The following LETM2 variants were observed in gnomAD, a reference collection of about 807,000 sequenced individuals.
LETM2 encodes the protein LETM1 domain-containing protein LETM2, mitochondrial.
LETM2 carries 58 observed loss-of-function variants against 59.6 expected under a neutral mutation model. That is an observed-to-expected ratio of 0.97 (90% CI 0.79 to 1.21). The LOEUF (loss-of-function observed/expected upper bound fraction) is 1.21, where lower values mean the gene tolerates loss of function less well. Ranked by LOEUF, LETM2 falls within the 50% of genes most tolerant of loss-of-function variation. The pLI, the probability that LETM2 is intolerant of heterozygous loss-of-function variation, is 0.00. For synonymous variants in LETM2, 199 were observed against 214.1 expected (o/e 0.93, Z 0.62); for missense variants, 572 against 575.7 (o/e 0.99, Z 0.07).
intron 8 of LETM2, 131 bp downstream of exon 8, chr8:38,404,637 T>C (rs961322893): frequency 1.9e-5 from 12 of 638,468 alleles, no homozygotes; most frequent in Middle Eastern, 2.6e-4. Flanking sequence ...ACTGGCTTTA[T>C]GTGTTTTAAA....
At position 38,387,955 on chromosome 8, in the gene LETM2, T is replaced by TA; in HGVS notation, c.-28dup. On this transcript the variant is annotated 5_prime_UTR_variant, in exon 2 of 11. In the 5' UTR this introduces an upstream ATG that the reference lacks. Transcript: ENST00000379957. ...TACTTACTCCTTTTGCCTAGGTCCC[T>TA]ATGTTAACTACTTGAGACAAAAATA... 1 of 1,387,034 alleles carries TA rather than the reference T, an allele frequency of 7.2e-7. No individual in the cohort carries two copies. The allele number at this position is 1,387,034 out of a possible 1,614,324, so 85.9% of individuals were successfully genotyped here.
intron 2 of LETM2, among the ~76,000 whole-genome samples, chr8:38,391,523 G>C (rs1457318693): frequency 1.3e-5 from 2 of 151,714 alleles, no homozygotes; most frequent in East Asian, 3.9e-4. Context: ...GGATGGTCTC[G>C]ATCTCTTGAT....
chr8:38,404,419 C>CG lies in LETM2; in HGVS notation c.1132dup (p.Val378GlyfsTer23), dbSNP rs1403281328. ...GGCAGGACCTCCACCTGAAGGAGAA[C>CG]GTCCCTCCTTCCCTTTTGCTCCTGT... On this transcript the variant is annotated frameshift_variant, in exon 8 of 11. Transcript: ENST00000379957. LOFTEE classifies it high-confidence loss of function. The CG allele has an allele frequency of 1.2e-6, 2 of 1,613,136 alleles. No individual in the cohort carries two copies. The highest frequency in any genetic ancestry group is 1.6e-4 in the Middle Eastern group (1 of 6,062).
intron 2 of LETM2, among the ~76,000 whole-genome samples, chr8:38,390,815 T>A (rs1812182581): frequency 6.6e-6 from 1 of 150,560 alleles, no homozygotes; most frequent in African/African-American, 2.4e-5. Context: ...CCCGAGTAGC[T>A]GGGACTACAG....
At chr8:38,393,211 T>A (rs1812438534) in intron 3 of LETM2, 5 of 498,322 alleles carry the variant, frequency 1.0e-5, no homozygotes, top group Non-Finnish European at 1.8e-5. Flanking sequence ...TAACGGTTTT[T>A]AAAAAAAACT....
In LETM2 at chr8:38,406,948, T is replaced by G. The variant is rs1183845107; in HGVS notation, c.1221T>G (p.Ala407=). 5 of 1,602,186 alleles carry G rather than the reference T, an allele frequency of 3.1e-6. No individual in the cohort carries two copies. The highest frequency in any genetic ancestry group is 1.7e-5 in the Admixed American group (1 of 59,842). ...KPIEIPLSGE[A]PKTDILVELP... is the part of the protein sequence containing the mutation. ...ACATAAAATGTTTATCTCCCCAGGC[T>G]CCAAAGACTGATATTCTTGTGGAAT... Residue 407 remains alanine (A), a splice_region_variant and synonymous_variant, in exon 9 of 11, where the codon GCT becomes GCG. Transcript: ENST00000379957.
Position 38,406,930 on chromosome 8 carries a change from A to G in LETM2, c.1219-16A>G, listed in dbSNP as rs1466504165. On this transcript the variant is annotated splice_polypyrimidine_tract_variant and intron_variant, in intron 8 of 10. Transcript: ENST00000379957. ...GAGCAGAAAGCTTATGATACATAAAATGTTTATCTCCCCAGGCTCCAAAGA... is the reference window on the plus strand; with the variant it reads ...GAGCAGAAAGCTTATGATACATAAAGTGTTTATCTCCCCAGGCTCCAAAGA... 2 of 1,546,916 alleles carry G rather than the reference A, an allele frequency of 1.3e-6. No homozygotes were observed. The highest frequency in any genetic ancestry group is 1.1e-5 in the South Asian group (1 of 89,418).
At chr8:38,397,912 G>T (rs1185596237) in intron 4 of LETM2, among the ~76,000 whole-genome samples, 1 of 152,114 alleles carries the variant, frequency 6.6e-6, no homozygotes, top group Non-Finnish European at 1.5e-5. Flanking sequence ...GGCCGAGGTG[G>T]GTGGGTCACT....
intron 3 of LETM2, chr8:38,393,289 C>G (rs1409186150): frequency 1.1e-5 from 3 of 275,072 alleles, no homozygotes; most frequent in Non-Finnish European, 2.1e-5. Flanking sequence ...TTTAATCTTT[C>G]CAAGAAGTTG....
upstream of LETM2, among the ~76,000 whole-genome samples, chr8:38,384,324 A>T (rs1811688947): frequency 6.6e-6 from 1 of 152,172 alleles, no homozygotes. Context: ...TTAAAATTGG[A>T]GTTATGTGAA....
At chr8:38,382,450 G>A (rs1253481241), upstream of LETM2, 1 of 152,466 alleles carries the variant, frequency 6.6e-6, no homozygotes, top group African/African-American at 2.4e-5. This position sits in a 1 kb window ranked among gnomAD's most constrained non-coding sequence, Gnocchi z 4.2. Context: ...GCGGCAGCTA[G>A]CGTCTGGACG....
intron 6 of LETM2, 61 bp from the exon 7 acceptor site, chr8:38,402,464 T>C (rs1359654845): frequency 3.8e-6 from 6 of 1,585,678 alleles, no homozygotes; most frequent in Non-Finnish European, 4.3e-6. Context: ...TTTGCTGGAA[T>C]TTAGGGTTTA....
chr8:38,407,936 G>A, intron 10 of LETM2: 1 of 429,336 alleles, frequency 2.3e-6, no homozygotes, highest in South Asian at 2.3e-5. Context: ...TTGTGGGAGA[G>A]TTGAAGTGGG....
intron 2 of LETM2, among the ~76,000 whole-genome samples, chr8:38,391,983 C>T (rs1812321103): frequency 6.6e-6 from 1 of 152,132 alleles, no homozygotes; most frequent in African/African-American, 2.4e-5. Flanking sequence ...TGAGCCATCG[C>T]GGCCAGCCCA....
rs539959623 is a variant in LETM2 at position 38,397,902 on chromosome 8, G to T, written c.646-2370G>T. Among the ~76,000 whole-genome samples the T allele has an allele frequency of 3.9e-5, 6 of 152,280 alleles. No individual in the cohort carries two copies. In the East Asian group the frequency reaches 1.2e-3, roughly 29 times the overall value. ...TGCCTGTAATCCCAGCACTTTGGGAGGCCGAGGTGGGTGGGTCACTTGAGG... is the reference window on the plus strand; with the variant it reads ...TGCCTGTAATCCCAGCACTTTGGGATGCCGAGGTGGGTGGGTCACTTGAGG... On this transcript the variant is annotated intron_variant, in intron 4 of 10. Transcript: ENST00000379957.
intron 2 of LETM2, among the ~76,000 whole-genome samples, chr8:38,390,200 C>T (rs1812112685): frequency 6.6e-6 from 1 of 151,668 alleles, no homozygotes; most frequent in African/African-American, 2.4e-5. Context: ...CCTTAAGAAC[C>T]AAGCCAGGCA....
chr8:38,403,379 T>C lies in LETM2; in HGVS notation c.1104+735T>C, dbSNP rs577823874. Among the ~76,000 whole-genome samples the C allele has an allele frequency of 3.3e-5, 5 of 152,362 alleles. No individual in the cohort carries two copies. The South Asian group carries it at 8.3e-4, about 25-fold the overall frequency. ...TAGAATTTTGACCTACTTCACGTAG[T>C]GTAACGGGTCCTGGCAAAAATTTCA... On this transcript the variant is annotated intron_variant, in intron 7 of 10. Coordinates refer to ENST00000379957, the MANE Select transcript of LETM2 (RefSeq NM_001286819.2).
chr8:38,401,712 A>G (rs1813243932), intron 6 of LETM2: 1 of 153,542 alleles, frequency 6.5e-6, no homozygotes, highest in Non-Finnish European at 1.5e-5. Context: ...CATACCGGGA[A>G]GCTGGTGCCA....
chr8:38,401,983 C>T (rs1400615287), intron 6 of LETM2, among the ~76,000 whole-genome samples: 1 of 152,138 alleles, frequency 6.6e-6, no homozygotes, highest in Non-Finnish European at 1.5e-5. Flanking sequence ...ATTTAGATTT[C>T]AGTTGTTGCT....
Sources: gnomAD v4.1 joint callset for allele counts (sites outside exome capture counted in the v4.1 genomes callset) on GRCh38, gnomAD v4.1.1 for gene constraint, Gnocchi (gnomAD v3.1) non-coding constraint, MANE v1.5 for transcripts, NCBI Gene and HGNC (gene_info 2026-07-23, HGNC 2026-07-21) for gene names.